The following ROBO2 variants were observed in gnomAD, a reference collection of about 807,000 sequenced individuals.
ROBO2 encodes the protein roundabout homolog 2.
A neutral mutation model predicts 160.8 loss-of-function variants in ROBO2; 53 were observed. That is an observed-to-expected ratio of 0.33 (90% CI 0.26 to 0.41). The LOEUF (loss-of-function observed/expected upper bound fraction) is 0.41, where lower values mean the gene tolerates loss of function less well. Ranked by LOEUF, ROBO2 falls within the 10% of genes least tolerant of loss-of-function variation. The probability of loss-of-function intolerance (pLI) is 1.00; values close to 1 mark genes in which losing one functional copy is unlikely to be tolerated. For synonymous variants in ROBO2, 664 were observed against 611.7 expected, an observed-to-expected ratio of 1.09 and a Z score of -1.26; for missense variants, 1,577 against 1,722.4, an observed-to-expected ratio of 0.92 and a Z score of 1.49.
chr3:76,124,734 AT>A (rs1236356063), intron 2 of ROBO2, among the ~76,000 whole-genome samples: 8 of 152,190 alleles, frequency 5.3e-5, no homozygotes, highest in African/African-American at 1.9e-4. Flanking sequence ...TGTTTCAAAA[AT>A]ATCCAATGTC....
chr3:77,108,673 G>A (rs1409333537), intron 2 of ROBO2, among the ~76,000 whole-genome samples: 2 of 152,100 alleles, frequency 1.3e-5, no homozygotes, highest in African/African-American at 4.8e-5. Context: ...GGAGTGAGGA[G>A]GGGCCGCAAG....
intron 6 of ROBO2, among the ~76,000 whole-genome samples, chr3:77,528,120 C>T (rs1386264088): frequency 6.6e-6 from 1 of 151,522 alleles, no homozygotes; most frequent in African/African-American, 2.4e-5. Context: ...TAAAATTTTT[C>T]AATTCATTGA....
chr3:77,062,837 G>A (rs371753093), intron 1 of ROBO2, among the ~76,000 whole-genome samples: 8 of 152,122 alleles, frequency 5.3e-5, no homozygotes, highest in African/African-American at 1.9e-4. Flanking sequence ...TTAGTTGGTG[G>A]TTTCTGATTG....
intron 2 of ROBO2, among the ~76,000 whole-genome samples, chr3:76,817,066 T>C (rs1559551540): frequency 6.6e-6 from 1 of 150,806 alleles, no homozygotes; most frequent in African/African-American, 2.4e-5. Context: ...CACTGGAGAG[T>C]GTGGGGGGCA....
chr3:76,335,082 C>G (rs2073774936), intron 2 of ROBO2, among the ~76,000 whole-genome samples: 1 of 151,386 alleles, frequency 6.6e-6, no homozygotes, highest in South Asian at 2.1e-4. Flanking sequence ...GTTGCCCAAG[C>G]TAGTCTCAAA....
At position 77,611,887 on chromosome 3, in the gene ROBO2, A is replaced by G. The variant is rs996883294; in HGVS notation, c.3293+3933A>G. ...CTATAAATACAGTGCATTTTATTATACTCATATGATTCCAGGAAGAATTCT... is the reference window on the plus strand; with the variant it reads ...CTATAAATACAGTGCATTTTATTATGCTCATATGATTCCAGGAAGAATTCT... On this transcript the variant is annotated intron_variant, in intron 21 of 25. Transcript: ENST00000461745. 2.0e-5 allele frequency among the ~76,000 whole-genome samples: 3 copies of G among 151,682 alleles called. No homozygotes were observed. In the South Asian group the frequency reaches 6.2e-4, roughly 31 times the overall value.
intron 16 of ROBO2, among the ~76,000 whole-genome samples, chr3:77,584,652 T>A (rs1383846246): frequency 6.6e-6 from 1 of 152,032 alleles, no homozygotes; most frequent in Non-Finnish European, 1.5e-5. Flanking sequence ...AGAGAAAAAG[T>A]TACAGTATTA....
At chr3:77,377,788 T>G (rs1021437622) in intron 2 of ROBO2, among the ~76,000 whole-genome samples, 2 of 152,200 alleles carry the variant, frequency 1.3e-5, no homozygotes, top group African/African-American at 4.8e-5. Flanking sequence ...TGTTTAATCA[T>G]TTTGTGAACC....
At chr3:76,315,386 C>T (rs1271872385) in intron 2 of ROBO2, among the ~76,000 whole-genome samples, 1 of 152,136 alleles carries the variant, frequency 6.6e-6, no homozygotes, top group African/African-American at 2.4e-5. Flanking sequence ...GCAAAGAAAG[C>T]CTCTCTGGCA....
chr3:76,390,378 C>T (rs1230229771), intron 2 of ROBO2, among the ~76,000 whole-genome samples: 1 of 151,846 alleles, frequency 6.6e-6, no homozygotes, highest in Non-Finnish European at 1.5e-5. Flanking sequence ...TATGTATTTG[C>T]ATTTATATTT....
chr3:76,953,538 C>T (rs536753711), intron 2 of ROBO2, among the ~76,000 whole-genome samples: 81 of 152,286 alleles, frequency 5.3e-4, no homozygotes, highest in African/African-American at 1.9e-3. Context: ...CAACATGTTG[C>T]TGATACTCAT....
chr3:77,439,202 T>A (rs1264921714), intron 2 of ROBO2, among the ~76,000 whole-genome samples: 1 of 152,086 alleles, frequency 6.6e-6, no homozygotes, highest in Non-Finnish European at 1.5e-5. Flanking sequence ...CTTAAATTAA[T>A]AGCAAAAAGT....
chr3:76,407,428 T>C (rs1192478220), intron 2 of ROBO2, among the ~76,000 whole-genome samples: 2 of 151,986 alleles, frequency 1.3e-5, no homozygotes, highest in Non-Finnish European at 2.9e-5. Flanking sequence ...AAGTCACCAG[T>C]GCCCAGACAG....
At chr3:76,687,890 A>G (rs2092717909) in intron 2 of ROBO2, among the ~76,000 whole-genome samples, 1 of 152,048 alleles carries the variant, frequency 6.6e-6, no homozygotes, top group South Asian at 2.1e-4. Flanking sequence ...TAAACACTAA[A>G]TCTCCTTAAA....
At chr3:77,003,280 C>A (rs2061419514) in intron 2 of ROBO2, among the ~76,000 whole-genome samples, 1 of 152,072 alleles carries the variant, frequency 6.6e-6, no homozygotes, top group Non-Finnish European at 1.5e-5. Flanking sequence ...GAGCAAGACA[C>A]CTCCATATCC....
chr3:76,097,794 C>T (rs1483020654), intron 2 of ROBO2, among the ~76,000 whole-genome samples: 1 of 152,040 alleles, frequency 6.6e-6, no homozygotes, highest in African/African-American at 2.4e-5. Flanking sequence ...ACTTTTTCTC[C>T]AGAATATATT....
rs941640051 is a variant in ROBO2 at position 76,572,373 on chromosome 3, C to CTT, written c.110-525636_110-525635dup. Among the ~76,000 whole-genome samples, 14 of 152,114 alleles carry CTT rather than the reference C, an allele frequency of 9.2e-5. 1 individual carries two copies. Among genetic ancestry groups the CTT allele is most frequent in the African/African-American group, 3.4e-4 (14 of 41,524 alleles). On this transcript the variant is annotated intron_variant, in intron 2 of 26. Transcript: ENST00000487694. ...AGGTAGGGTGGTTGTTTTTCTCTTC[C>CTT]TTTTTTGTTTTTGTCTTTGTTTGTT...
At chr3:76,338,371 G>C (rs539523809) in intron 2 of ROBO2, among the ~76,000 whole-genome samples, 2 of 152,044 alleles carry the variant, frequency 1.3e-5, no homozygotes, top group African/African-American at 2.4e-5. Context: ...ACTTTGGTTA[G>C]TCATATAGCA....
chr3:77,480,929 G>A (rs1218951872), intron 3 of ROBO2, among the ~76,000 whole-genome samples, 170 bp from the exon 4 acceptor site: 1 of 152,074 alleles, frequency 6.6e-6, no homozygotes, highest in Non-Finnish European at 1.5e-5. Context: ...CTTACATTGA[G>A]GGTGAATTTA....
Sources: gnomAD v4.1 joint callset for allele counts (sites outside exome capture counted in the v4.1 genomes callset) on GRCh38, gnomAD v4.1.1 for gene constraint, MANE v1.5 for transcripts, NCBI Gene and HGNC (gene_info 2026-07-23, HGNC 2026-07-21) for gene names.